The following BACH1 variants were observed in gnomAD, a reference collection of about 807,000 sequenced individuals.
BACH1 encodes transcription regulator protein BACH1.
Under a neutral mutation model 52.9 loss-of-function variants are expected in BACH1, and 35 were observed. That is an observed-to-expected ratio of 0.66 (90% CI 0.51 to 0.88). The LOEUF is 0.88. Ranked by LOEUF, BACH1 falls within the 40% of genes least tolerant of loss-of-function variation. The probability of loss-of-function intolerance (pLI) is 0.00; values close to 1 mark genes in which losing one functional copy is unlikely to be tolerated. For missense variants in BACH1, 808 were observed against 872.6 expected (o/e 0.93, Z 0.93); for synonymous variants, 321 against 319.6 (o/e 1.00, Z -0.05).
chr21:29,340,233 T>A (rs935714492), intron 4 of BACH1, among the ~76,000 whole-genome samples: 1 of 152,210 alleles, frequency 6.6e-6, no homozygotes, highest in African/African-American at 2.4e-5. Context: ...TTATAGTAAA[T>A]ATGTGTCTTA....
intron 2 of BACH1, among the ~76,000 whole-genome samples, chr21:29,355,068 G>C (rs1210253129): frequency 2.0e-5 from 3 of 152,190 alleles, no homozygotes; most frequent in Non-Finnish European, 4.4e-5. Context: ...GACCGGAGCG[G>C]GTTGCCCCTG....
At chr21:29,323,485 A>C (rs2088873018) in intron 2 of BACH1, among the ~76,000 whole-genome samples, 1 of 152,194 alleles carries the variant, frequency 6.6e-6, no homozygotes, top group Non-Finnish European at 1.5e-5. Context: ...CCAGCAGGGG[A>C]GAAAGATGAA....
At position 29,321,645 on chromosome 21, in the gene BACH1, C is replaced by CTT. The variant is rs377229311; in HGVS notation, c.234+146_234+147dup. 4.2e-3 allele frequency: 2,109 copies of CTT among 502,188 alleles called. 2 individuals carry two copies. Among genetic ancestry groups the CTT allele is most frequent in the South Asian group, 0.017 (382 of 21,906 alleles). The allele number at this position is 502,188 out of a possible 1,614,324, so 31.1% of individuals were successfully genotyped here. On this transcript the variant is annotated intron_variant, in intron 2 of 4. Transcript: ENST00000286800. Reference sequence around the variant, plus strand: ...GCATTTCCCAGGTTCTGTGCAACCCCTTTTTTTTTTTTTTTTAGTTTTTTT... The same window carrying CTT: ...GCATTTCCCAGGTTCTGTGCAACCCCTTTTTTTTTTTTTTTTTTAGTTTTTTT...
intron 4 of BACH1, among the ~76,000 whole-genome samples, 181 bp downstream of exon 4, chr21:29,329,874 G>A (rs2088960954): frequency 1.3e-5 from 2 of 151,966 alleles, no homozygotes; most frequent in African/African-American, 4.8e-5. Flanking sequence ...TTAAAAAGAA[G>A]GTTTTCAAAT....
At chr21:29,331,188 A>G (rs750083047) in intron 4 of BACH1, among the ~76,000 whole-genome samples, 1 of 152,184 alleles carries the variant, frequency 6.6e-6, no homozygotes, top group Non-Finnish European at 1.5e-5. Context: ...CTGTGCTGCA[A>G]TACAGAGATG....
chr21:29,337,078 C>G (rs2089053924), intron 4 of BACH1, among the ~76,000 whole-genome samples: 1 of 152,104 alleles, frequency 6.6e-6, no homozygotes, highest in Non-Finnish European at 1.5e-5. Flanking sequence ...AGTCATTATT[C>G]TTTTTGATGT....
At chr21:29,331,908 T>G (rs2088987905) in intron 4 of BACH1, among the ~76,000 whole-genome samples, 1 of 152,186 alleles carries the variant, frequency 6.6e-6, no homozygotes, top group Admixed American at 6.5e-5. Flanking sequence ...GTTTATTTAT[T>G]TATTTATTTT....
At chr21:29,351,940 A>G (rs2089204683) in intron 2 of BACH1, 2 of 329,712 alleles carry the variant, frequency 6.1e-6, no homozygotes, top group East Asian at 7.4e-5. Flanking sequence ...AAGGACTAAA[A>G]GAATTGCAGA....
chr21:29,309,075 T>C (rs1477188033), intron 1 of BACH1, among the ~76,000 whole-genome samples: 1 of 152,088 alleles, frequency 6.6e-6, no homozygotes, highest in African/African-American at 2.4e-5. Flanking sequence ...CTGGCCAACA[T>C]GGTGAAACCC....
intron 1 of BACH1, among the ~76,000 whole-genome samples, chr21:29,304,998 T>A (rs1246783091): frequency 4.6e-5 from 7 of 152,216 alleles, no homozygotes; most frequent in Non-Finnish European, 1.0e-4. Context: ...TTTTAAAAAA[T>A]GTACAGTGGT....
chr21:29,299,177 C>T (rs1305087105), intron 1 of BACH1, among the ~76,000 whole-genome samples: 1 of 151,572 alleles, frequency 6.6e-6, no homozygotes, highest in East Asian at 1.9e-4. Context: ...AGGGGCGTCC[C>T]GTCGGCGGCC....
At chr21:29,325,104 C>T (rs2088894842) in intron 2 of BACH1, among the ~76,000 whole-genome samples, 1 of 152,114 alleles carries the variant, frequency 6.6e-6, no homozygotes, top group Admixed American at 6.5e-5. Flanking sequence ...GTGGCAGGCA[C>T]CTGTAGTCCC....
At position 29,327,098 on chromosome 21, in the gene BACH1, C is replaced by G; in HGVS notation, c.1274C>G (p.Ser425Ter). 6.2e-7 allele frequency: 1 copy of G among 1,614,178 alleles called. No individual in the cohort carries two copies. The highest frequency in any genetic ancestry group is 8.5e-7 in the Non-Finnish European group (1 of 1,180,042). The change falls in exon 3 of 5, where the codon TCA (serine) becomes TGA (stop). Residue 425 changes from serine to a stop codon, truncating the protein, a stop_gained. Coordinates refer to ENST00000286800, the MANE Select transcript of BACH1 (RefSeq NM_001186.4). LOFTEE classifies it high-confidence loss of function. ...TCACCTGCTGTGGCCAAAGATGGCT[C>G]AGAACAGATCTCACAGAAACGGTCT... is the stretch of plus-strand genomic sequence containing the variant. ...QLSPAVAKDGSEQISQKRSEC... is the reference protein window; with the variant it reads ...QLSPAVAKDG
chr21:29,336,511 C>G (rs2061329911), intron 4 of BACH1, among the ~76,000 whole-genome samples: 2 of 152,132 alleles, frequency 1.3e-5, no homozygotes, highest in Admixed American at 1.3e-4. Context: ...ATCCCGTTCC[C>G]CAATACTCCT....
chr21:29,324,383 T>C (rs992928499), intron 2 of BACH1, among the ~76,000 whole-genome samples: 2 of 152,216 alleles, frequency 1.3e-5, no homozygotes, highest in African/African-American at 4.8e-5. Flanking sequence ...ACCACTAATC[T>C]TTCTTCCTTT....
chr21:29,304,388 G>C (rs1337460968), intron 1 of BACH1, among the ~76,000 whole-genome samples: 5 of 152,132 alleles, frequency 3.3e-5, no homozygotes, highest in Admixed American at 2.6e-4. Context: ...GCTTCCCAAA[G>C]TGCTGAGATT....
intron 1 of BACH1, among the ~76,000 whole-genome samples, chr21:29,300,574 T>G (rs1469012932): frequency 1.3e-5 from 2 of 152,112 alleles, no homozygotes; most frequent in Non-Finnish European, 2.9e-5. Flanking sequence ...AAATTTGCGC[T>G]GGAGAGAGCT....
intron 2 of BACH1, among the ~76,000 whole-genome samples, chr21:29,324,231 C>CA (rs35915821): frequency 0.14 from 8,953 of 62,710 alleles, 612 homozygotes; most frequent in African/African-American, 0.25. Context: ...GACTCTGCCT[C>CA]AAAAAAAAAA....
At chr21:29,351,301 G>A (rs922491795) in intron 2 of BACH1, among the ~76,000 whole-genome samples, 4 of 152,158 alleles carry the variant, frequency 2.6e-5, no homozygotes, top group Admixed American at 1.3e-4. Flanking sequence ...TACCCAGCAC[G>A]CTATATGAAA....
Sources: allele counts gnomAD v4.1 joint callset (sites outside exome capture counted in the v4.1 genomes callset), GRCh38; gene constraint gnomAD v4.1.1; transcripts MANE v1.5; gene names NCBI Gene and HGNC (gene_info 2026-07-23, HGNC 2026-07-21).